NALF1: variants seen among roughly 807,000 people sequenced by gnomAD.
NALF1 encodes the protein family with sequence similarity 155 member A.
In NALF1, 3 loss-of-function variants were observed where a neutral mutation model predicts 48.4. The ratio of observed to expected loss-of-function variants is 0.06; its 90% CI spans 0.03 to 0.16. NALF1 has a LOEUF of 0.16. NALF1 is among the 10% of genes least tolerant of loss of function. The pLI, the probability that NALF1 is intolerant of heterozygous loss-of-function variation, is 1.00. For synonymous variants in NALF1, 262 were observed against 245.7 expected, an observed-to-expected ratio of 1.07 and a Z score of -0.62; for missense variants, 526 against 571.5, an observed-to-expected ratio of 0.92 and a Z score of 0.81.
Position 107,541,178 on chromosome 13 carries a change from A to AG in NALF1, c.915+324503dup, listed in dbSNP as rs1317346876. ...ATTATTCAACTGTCAAAAAATAAAA[A>AG]GCTTGGATCGTTACATGTCTGTTTG... On this transcript the variant is annotated intron_variant, in intron 1 of 2. Coordinates refer to ENST00000375915, the MANE Select transcript of NALF1 (RefSeq NM_001080396.3). 1.1e-4 allele frequency among the ~76,000 whole-genome samples: 17 copies of AG among 152,236 alleles called. No homozygotes were observed. The East Asian group carries it at 2.9e-3, about 26-fold the overall frequency.
At chr13:107,406,017 G>A (rs775253914) in intron 1 of NALF1, among the ~76,000 whole-genome samples, 9 of 151,890 alleles carry the variant, frequency 5.9e-5, no homozygotes, top group South Asian at 2.1e-4. Flanking sequence ...AAACTTTTCC[G>A]TGGTGCCTAT....
At chr13:107,595,406 T>C (rs990439827) in intron 1 of NALF1, among the ~76,000 whole-genome samples, 2 of 152,078 alleles carry the variant, frequency 1.3e-5, no homozygotes, top group Admixed American at 6.6e-5. Flanking sequence ...AAAGAGAGTA[T>C]CTCATATGTT....
chr13:107,707,339 T>C (rs1875425900), intron 1 of NALF1, among the ~76,000 whole-genome samples: 1 of 152,206 alleles, frequency 6.6e-6, no homozygotes, highest in African/African-American at 2.4e-5. Flanking sequence ...CCAATATAAG[T>C]GGTAAAGGGA....
chr13:107,557,778 C>T (rs1877522607), intron 1 of NALF1, among the ~76,000 whole-genome samples: 1 of 152,140 alleles, frequency 6.6e-6, no homozygotes, highest in Admixed American at 6.5e-5. Flanking sequence ...CCATGCCACA[C>T]TGTTTTAAAA....
chr13:107,804,254 A>C (rs989422216), intron 1 of NALF1, among the ~76,000 whole-genome samples: 5 of 152,148 alleles, frequency 3.3e-5, no homozygotes, highest in African/African-American at 1.2e-4. Context: ...TCTGTCTGGT[A>C]TGCTCTTTAG....
chr13:107,812,602 C>T (rs1274280874), intron 1 of NALF1, among the ~76,000 whole-genome samples: 3 of 152,074 alleles, frequency 2.0e-5, no homozygotes, highest in African/African-American at 7.2e-5. Context: ...TTATACAGAA[C>T]TTTATACAAT....
At chr13:107,683,583 A>C (rs1336420741) in intron 1 of NALF1, among the ~76,000 whole-genome samples, 2 of 152,206 alleles carry the variant, frequency 1.3e-5, no homozygotes, top group African/African-American at 4.8e-5. Flanking sequence ...GTGGGGACGG[A>C]GAATACAGTT....
intron 1 of NALF1, among the ~76,000 whole-genome samples, chr13:107,811,384 G>C (rs892952201): frequency 1.3e-5 from 2 of 152,080 alleles, no homozygotes; most frequent in Admixed American, 1.3e-4. Context: ...TGAAATAAAT[G>C]TTTCTTTGAC....
intron 1 of NALF1, among the ~76,000 whole-genome samples, chr13:107,560,991 C>T (rs559656520): frequency 7.2e-5 from 11 of 152,274 alleles, no homozygotes; most frequent in African/African-American, 2.6e-4. Flanking sequence ...TATTCTATGT[C>T]AGTTCATTAT....
intron 1 of NALF1, among the ~76,000 whole-genome samples, chr13:107,548,657 C>T (rs990559998): frequency 2.0e-5 from 3 of 151,984 alleles, no homozygotes; most frequent in African/African-American, 7.2e-5. Context: ...GTTCCTTAAG[C>T]TTTCCAGACT....
At chr13:107,380,141 A>G (rs1050653682) in intron 1 of NALF1, among the ~76,000 whole-genome samples, 1 of 152,158 alleles carries the variant, frequency 6.6e-6, no homozygotes, top group African/African-American at 2.4e-5. Context: ...TAGCATTAGT[A>G]CTAATTTGTT....
At chr13:107,555,231 G>GT (rs1164156762) in intron 1 of NALF1, among the ~76,000 whole-genome samples, 2 of 151,652 alleles carry the variant, frequency 1.3e-5, no homozygotes, top group Non-Finnish European at 2.9e-5. Flanking sequence ...CAAAACTTAC[G>GT]TTGTGAGGGG....
chr13:107,314,944 A>C (rs1882116742), intron 1 of NALF1, among the ~76,000 whole-genome samples: 1 of 152,110 alleles, frequency 6.6e-6, no homozygotes, highest in African/African-American at 2.4e-5. Flanking sequence ...ATCTGAAAGC[A>C]TTTTCACTGT....
In NALF1 at chr13:107,770,497, C is replaced by T. The variant is rs938144841; in HGVS notation, c.915+95185G>A. 2.6e-5 allele frequency among the ~76,000 whole-genome samples: 4 copies of T among 152,128 alleles called. No homozygotes were observed. In the East Asian group the frequency reaches 5.8e-4, roughly 22 times the overall value. Reference sequence around the variant, plus strand: ...AGTTTATTATTAAATAAGAGCTCTACGTTTTAAGGAAAAATACAGTTCATA... The same window carrying T: ...AGTTTATTATTAAATAAGAGCTCTATGTTTTAAGGAAAAATACAGTTCATA... On this transcript the variant is annotated intron_variant, in intron 1 of 2. Coordinates refer to ENST00000375915, the MANE Select transcript of NALF1 (RefSeq NM_001080396.3).
chr13:107,612,476 G>C (rs1879258233), intron 1 of NALF1, among the ~76,000 whole-genome samples: 1 of 152,076 alleles, frequency 6.6e-6, no homozygotes, highest in Non-Finnish European at 1.5e-5. Context: ...ACATTGTTCT[G>C]GGTGTGTCTA....
intron 1 of NALF1, among the ~76,000 whole-genome samples, chr13:107,666,117 A>C (rs1177341658): frequency 1.3e-5 from 2 of 152,136 alleles, no homozygotes; most frequent in Admixed American, 1.3e-4. Context: ...GAGCATTGTC[A>C]TAGTGAAGAA....
chr13:107,763,186 C>A (rs2138563183), intron 1 of NALF1, among the ~76,000 whole-genome samples: 1 of 151,288 alleles, frequency 6.6e-6, no homozygotes, highest in East Asian at 2.0e-4. Context: ...CTAGAAATCA[C>A]AAAAATGAGA....
At chr13:107,222,367 T>A (rs906573537) in intron 1 of NALF1, among the ~76,000 whole-genome samples, 1 of 152,188 alleles carries the variant, frequency 6.6e-6, no homozygotes, top group African/African-American at 2.4e-5. Flanking sequence ...ATTCCACCCA[T>A]TTAAGATTTT....
intron 1 of NALF1, among the ~76,000 whole-genome samples, chr13:107,645,616 A>G (rs1165614909): frequency 1.3e-5 from 2 of 149,230 alleles, no homozygotes; most frequent in Non-Finnish European, 2.9e-5. Flanking sequence ...TTTTCTACAA[A>G]TTCTCCTCTG....
Sources: allele counts gnomAD v4.1 joint callset (sites outside exome capture counted in the v4.1 genomes callset), GRCh38; gene constraint gnomAD v4.1.1; transcripts MANE v1.5; gene names NCBI Gene and HGNC (gene_info 2026-07-23, HGNC 2026-07-21).